The following OPCML variants were observed in gnomAD, a reference collection of about 807,000 sequenced individuals.
OPCML encodes opioid binding protein/cell adhesion molecule like.
A neutral mutation model predicts 37.8 loss-of-function variants in OPCML; 13 were observed. The ratio of observed to expected loss-of-function variants is 0.34; its 90% confidence interval spans 0.22 to 0.55. The LOEUF is 0.55. OPCML is among the 20% of genes least tolerant of loss of function. OPCML has a pLI of 0.91. For missense variants in OPCML, 341 were observed against 435.6 expected (o/e 0.78, Z 1.93); for synonymous variants, 176 against 168.8 (o/e 1.04, Z -0.33).
At chr11:133,460,780 A>T (rs1277209236) in intron 1 of OPCML, among the ~76,000 whole-genome samples, 1 of 151,962 alleles carries the variant, frequency 6.6e-6, no homozygotes, top group Non-Finnish European at 1.5e-5. Flanking sequence ...TTAACACCTT[A>T]AACCGTTCCA....
intron 1 of OPCML, among the ~76,000 whole-genome samples, chr11:132,975,745 C>T (rs1565376961): frequency 6.6e-6 from 1 of 151,896 alleles, no homozygotes; most frequent in Non-Finnish European, 1.5e-5. Flanking sequence ...ACATAGTAGG[C>T]ATATCTTCTA....
intron 1 of OPCML, among the ~76,000 whole-genome samples, chr11:132,959,495 A>G (rs192283760): frequency 1.6e-4 from 24 of 152,360 alleles, no homozygotes; most frequent in African/African-American, 5.3e-4. Context: ...ACTGTGGGTA[A>G]AATGCTATCA....
intron 2 of OPCML, among the ~76,000 whole-genome samples, chr11:132,762,162 T>C (rs1331402821): frequency 6.6e-6 from 1 of 152,364 alleles, no homozygotes; most frequent in Non-Finnish European, 1.5e-5. Context: ...CGAAGATTGC[T>C]GCCTGCTCCT....
At chr11:133,249,176 G>A (rs1232428381) in intron 1 of OPCML, among the ~76,000 whole-genome samples, 1 of 152,112 alleles carries the variant, frequency 6.6e-6, no homozygotes. Flanking sequence ...CTTGGGCTAG[G>A]GATTCTACAG....
intron 1 of OPCML, among the ~76,000 whole-genome samples, chr11:133,082,995 C>G (rs1183703414): frequency 6.6e-6 from 1 of 151,290 alleles, no homozygotes; most frequent in Admixed American, 6.6e-5. Context: ...AGAGGGCGCC[C>G]GTCAGCGCCG....
In OPCML at chr11:132,836,083, T is replaced by C. The variant is rs1045771308; in HGVS notation, c.146+106843A>G. The stretch of plus-strand genomic sequence containing the variant: ...CTGAATCAGGGTAGGTGGTAAGAGA[T>C]GTATTTCAAAATGCGAAATTAACAG... On this transcript the variant is annotated intron_variant, in intron 2 of 7. Coordinates refer to ENST00000524381, the MANE Select transcript of OPCML (RefSeq NM_001012393.5). 2.6e-5 allele frequency among the ~76,000 whole-genome samples: 4 copies of C among 152,206 alleles called. No individual in the cohort carries two copies. The East Asian group carries it at 5.8e-4, about 22-fold the overall frequency.
At chr11:132,868,285 T>A (rs1056921302) in intron 2 of OPCML, among the ~76,000 whole-genome samples, 3 of 148,854 alleles carry the variant, frequency 2.0e-5, no homozygotes, top group Non-Finnish European at 4.4e-5. Flanking sequence ...TATTTTTCCA[T>A]TGAGGCTGTG....
At chr11:133,247,050 A>T (rs1940948857) in intron 1 of OPCML, among the ~76,000 whole-genome samples, 1 of 152,254 alleles carries the variant, frequency 6.6e-6, no homozygotes, top group Admixed American at 6.5e-5. Flanking sequence ...TCAGCTTTTG[A>T]AGAGATGAAT....
intron 2 of OPCML, among the ~76,000 whole-genome samples, chr11:132,890,880 A>G (rs925596813): frequency 6.6e-6 from 1 of 151,302 alleles, no homozygotes; most frequent in Non-Finnish European, 1.5e-5. Flanking sequence ...AAAAGAAAAA[A>G]AAAGAAAAGA....
intron 1 of OPCML, among the ~76,000 whole-genome samples, chr11:133,223,965 G>C (rs1004325897): frequency 1.3e-5 from 2 of 152,154 alleles, no homozygotes; most frequent in African/African-American, 2.4e-5. Context: ...TGCACTCCTT[G>C]TAGGCCCTGG....
intron 1 of OPCML, among the ~76,000 whole-genome samples, chr11:133,378,801 G>A (rs61912394): frequency 0.043 from 6,548 of 151,890 alleles, 191 homozygotes; most frequent in South Asian, 0.16. Context: ...GATGCAATCA[G>A]AGGTCATTGC....
At chr11:132,610,897 C>T (rs567708939) in intron 3 of OPCML, among the ~76,000 whole-genome samples, 52 of 152,252 alleles carry the variant, frequency 3.4e-4, no homozygotes, top group Middle Eastern at 3.4e-3. Context: ...TTTCCTATGG[C>T]TTTGTTCTCT....
At chr11:133,061,473 C>G (rs764092033) in intron 1 of OPCML, among the ~76,000 whole-genome samples, 2 of 152,164 alleles carry the variant, frequency 1.3e-5, no homozygotes, top group Admixed American at 6.5e-5. Flanking sequence ...AAGGAAATAT[C>G]CTTGTGGGAC....
intron 1 of OPCML, among the ~76,000 whole-genome samples, chr11:133,099,728 G>C (rs1949059238): frequency 6.6e-6 from 1 of 152,092 alleles, no homozygotes; most frequent in Non-Finnish European, 1.5e-5. Context: ...TTTGAGAACT[G>C]TCTGTTCATG....
intron 1 of OPCML, among the ~76,000 whole-genome samples, chr11:133,101,646 TG>T (rs1949086526): frequency 6.6e-6 from 1 of 152,208 alleles, no homozygotes; most frequent in East Asian, 1.9e-4. Context: ...ATGGCTATTT[TG>T]GAAGACAGTT....
intron 1 of OPCML, among the ~76,000 whole-genome samples, chr11:133,072,284 A>G (rs1312804416): frequency 6.6e-6 from 1 of 152,242 alleles, no homozygotes; most frequent in Non-Finnish European, 1.5e-5. Flanking sequence ...ATTATATCTC[A>G]ATTTAAAAAT....
At chr11:132,591,787 C>T (rs1042687533) in intron 3 of OPCML, among the ~76,000 whole-genome samples, 1 of 152,234 alleles carries the variant, frequency 6.6e-6, no homozygotes, top group South Asian at 2.1e-4. Context: ...AAACATCATC[C>T]CTGCATCTCT....
At chr11:132,664,251 C>T (rs894194858) in intron 2 of OPCML, among the ~76,000 whole-genome samples, 40 of 151,970 alleles carry the variant, frequency 2.6e-4, no homozygotes, top group African/African-American at 9.0e-4. Flanking sequence ...TATGATTGCA[C>T]ATATATAAAG....
At chr11:132,603,025 G>A (rs750225260) in intron 3 of OPCML, among the ~76,000 whole-genome samples, 5 of 152,114 alleles carry the variant, frequency 3.3e-5, no homozygotes, top group East Asian at 3.9e-4. Context: ...AGGCTTCTGC[G>A]TTTTCCTCAT....
Sources: gnomAD v4.1 joint callset for allele counts (sites outside exome capture counted in the v4.1 genomes callset) on GRCh38, gnomAD v4.1.1 for gene constraint, MANE v1.5 for transcripts, NCBI Gene and HGNC (gene_info 2026-07-23, HGNC 2026-07-21) for gene names.